The following CFAP74 variants were observed in gnomAD, a reference collection of about 807,000 sequenced individuals.
CFAP74 encodes cilia and flagella associated protein 74.
In CFAP74, 124 loss-of-function variants were observed where a neutral mutation model predicts 188.9. The observed-to-expected ratio is 0.66, with a 90% confidence interval of 0.57 to 0.76. The LOEUF is 0.76. Ranked by LOEUF, CFAP74 falls within the 30% of genes least tolerant of loss-of-function variation. The pLI is 0.00. For missense variants in CFAP74, 2,198 were observed against 2,165.2 expected, an observed-to-expected ratio of 1.02 and a Z score of -0.30; for synonymous variants, 956 against 916.7, an observed-to-expected ratio of 1.04 and a Z score of -0.77.
Position 1,942,072 on chromosome 1 carries a change from G to C in CFAP74, c.2571C>G (p.Ile857Met). 1.3e-6 allele frequency: 2 copies of C among 1,532,746 alleles called. No homozygotes were observed. Among genetic ancestry groups the C allele is most frequent in the Non-Finnish European group, 8.7e-7 (1 of 1,145,576 alleles). 94.9% of individuals were successfully genotyped at this position (1,532,746 alleles called of 1,614,324 possible). Residue 857 changes from isoleucine (I) to methionine (M), a missense_variant, in exon 22 of 39, where the codon ATC becomes ATG. Ile to Met is a conservative substitution (Grantham distance 10). Transcript: ENST00000682832. The surrounding 1 kb of genome is among the most constrained non-coding windows in gnomAD (Gnocchi z 4.3). ...HLELLPKTGY[I>M]QAQSSYSVQL... ...GCACGGAGTAGGACGACTGTGCCTGGATATAGCCTGTCTTGGGCAGGAGCT... is the reference window on the plus strand; with the variant it reads ...GCACGGAGTAGGACGACTGTGCCTGCATATAGCCTGTCTTGGGCAGGAGCT...
chr1:1,928,744 C>T, intron 27 of CFAP74, 40 bp downstream of exon 27: 1 of 1,470,948 alleles, frequency 6.8e-7, no homozygotes. Flanking sequence ...GCAACAGGCC[C>T]TTCCCCGACC....
Position 1,923,054 on chromosome 1 carries a change from C to T in CFAP74, c.4614G>A (p.Thr1538=), listed in dbSNP as rs755229284. The T allele has an allele frequency of 5.0e-6, 8 of 1,608,328 alleles. No individual in the cohort carries two copies. Among genetic ancestry groups the T allele is most frequent in the African/African-American group, 1.3e-5 (1 of 74,580 alleles). ...TLDYIQFDTD[T]PAPPATRELQ... ...GCTCTCGGGTGGCAGGTGGGGCTGG[C>T]GTGTCTGTGTCAAACTGGATGTAGT... Residue 1538 remains threonine (T), a synonymous_variant, in exon 37 of 39, where the codon ACG becomes ACA. Transcript: ENST00000682832. The surrounding 1 kb of genome is among the most constrained non-coding windows in gnomAD (Gnocchi z 6.3).
Position 1,955,810 on chromosome 1 carries a change from T to C in CFAP74, c.2057A>G (p.Lys686Arg), listed in dbSNP as rs746111410. 24 of 1,614,014 alleles carry C rather than the reference T, an allele frequency of 1.5e-5. No homozygotes were observed. The highest frequency in any genetic ancestry group is 2.2e-5 in the South Asian group (2 of 91,094). Residue 686 changes from lysine (K) to arginine (R), a missense_variant, in exon 18 of 39, where the codon AAA (lysine) becomes AGA (arginine). Coordinates refer to ENST00000682832, the MANE Select transcript of CFAP74 (RefSeq NM_001304360.2). ...LTYEDKSLYD[K>R]AATSFSEQQL... ...CTGCTCAGAGAAGCTGGTGGCGGCTTTGTCATACAAGCTTTTATCTTCGTA... is the reference window on the plus strand; with the variant it reads ...CTGCTCAGAGAAGCTGGTGGCGGCTCTGTCATACAAGCTTTTATCTTCGTA...
In CFAP74 at chr1:1,973,938, C is replaced by T. The variant is rs927816243; in HGVS notation, c.674+87G>A. The T allele has an allele frequency of 3.5e-5, 45 of 1,302,032 alleles. No homozygotes were observed. The highest frequency in any genetic ancestry group is 4.4e-5 in the Non-Finnish European group (43 of 973,810). 80.7% of individuals were successfully genotyped at this position (1,302,032 alleles called of 1,614,324 possible). A position where few individuals can be genotyped will look rare whatever the true frequency, so the allele number is the denominator to read the frequency against. On this transcript the variant is annotated intron_variant, in intron 7 of 38. Coordinates refer to ENST00000682832, the MANE Select transcript of CFAP74 (RefSeq NM_001304360.2). This position sits in a 1 kb window ranked among gnomAD's most constrained non-coding sequence, Gnocchi z 6.2. The stretch of plus-strand genomic sequence containing the variant: ...ATCTGGACAGATGTGGAGGGCGAGG[C>T]TGAATCTGGAGACCCCTGGGGGAGA...
intron 1 of CFAP74, among the ~76,000 whole-genome samples, chr1:1,998,870 C>G (rs1461171730): frequency 6.6e-6 from 1 of 151,854 alleles, no homozygotes; most frequent in Admixed American, 6.6e-5. Flanking sequence ...GAGTGAGACT[C>G]CGTCTCGAAA....
chr1:1,955,722 C>A lies in CFAP74; in HGVS notation c.2145G>T (p.Leu715=). The A allele has an allele frequency of 6.2e-7, 1 of 1,614,132 alleles. No individual in the cohort carries two copies. Among genetic ancestry groups the A allele is most frequent in the Admixed American group, 1.7e-5 (1 of 60,016 alleles). Reference sequence around the variant, plus strand: ...GCTGCTCCTCCTCCTGCTCCTTGTCCAGCTTCTCCAGCTCCTTCCGGCTCT... The same window carrying A: ...GCTGCTCCTCCTCCTGCTCCTTGTCAAGCTTCTCCAGCTCCTTCCGGCTCT... The part of the protein sequence containing the change: ...DMQSRKELEK[L]DKEQEEEQPA... The change falls in exon 18 of 39, where the codon CTG becomes CTT. Residue 715 remains leucine, a synonymous_variant. Coordinates refer to ENST00000682832, the MANE Select transcript of CFAP74 (RefSeq NM_001304360.2).
At chr1:2,002,160 G>A (rs1658238414) in intron 1 of CFAP74, among the ~76,000 whole-genome samples, 1 of 152,078 alleles carries the variant, frequency 6.6e-6, no homozygotes, top group Non-Finnish European at 1.5e-5. Flanking sequence ...AGGGTGGGGG[G>A]CGACAGAGCA....
chr1:1,973,868 C>T lies in CFAP74; in HGVS notation c.674+157G>A, dbSNP rs576524837. On this transcript the variant is annotated intron_variant, in intron 7 of 38. Transcript: ENST00000682832. The surrounding 1 kb of genome is among the most constrained non-coding windows in gnomAD (Gnocchi z 6.2). ...GACACTTGGGAAGGACTCAAGGGCC[C>T]GGTGGAGGAGCAAGCTGGGAGGAGG... Among the ~76,000 whole-genome samples the T allele has an allele frequency of 2.0e-5, 3 of 151,432 alleles. No homozygotes were observed. The highest frequency in any genetic ancestry group is 6.6e-5 in the Admixed American group (1 of 15,214).
chr1:1,937,644 C>A (rs1652989917), intron 25 of CFAP74, among the ~76,000 whole-genome samples: 1 of 152,168 alleles, frequency 6.6e-6, no homozygotes, highest in South Asian at 2.1e-4. Context: ...CCCCCAGTGT[C>A]TTGGCCTCTG....
intron 4 of CFAP74, among the ~76,000 whole-genome samples, chr1:1,987,363 G>T (rs1376211616): frequency 1.3e-5 from 2 of 152,188 alleles, no homozygotes; most frequent in Admixed American, 1.3e-4. Context: ...GGAGGTCTGG[G>T]GCCCACGGGA....
intron 12 of CFAP74, among the ~76,000 whole-genome samples, chr1:1,965,402 A>C (rs1402509345): frequency 6.6e-6 from 1 of 152,222 alleles, no homozygotes; most frequent in Non-Finnish European, 1.5e-5. Flanking sequence ...TTAAATCAGG[A>C]CAAGAGGAAG....
intron 13 of CFAP74, among the ~76,000 whole-genome samples, chr1:1,964,164 G>A (rs1019162789): frequency 6.6e-6 from 1 of 152,242 alleles, no homozygotes; most frequent in African/African-American, 2.4e-5. Flanking sequence ...GGGTTCCAAG[G>A]TGGGTCCCTG....
chr1:1,993,974 T>G (rs1364601571), intron 1 of CFAP74, among the ~76,000 whole-genome samples: 4 of 149,422 alleles, frequency 2.7e-5, no homozygotes. Flanking sequence ...AGAGCAAGAC[T>G]CCGTCTCAAA....
At position 1,975,903 on chromosome 1, in the gene CFAP74, T is replaced by G. The variant is rs1325915466; in HGVS notation, c.501-1705A>C. Among the ~76,000 whole-genome samples the G allele has an allele frequency of 2.0e-5, 3 of 152,160 alleles. No homozygotes were observed. The highest frequency in any genetic ancestry group is 4.4e-5 in the Non-Finnish European group (3 of 68,014). ...TAAAGAGGCAAGACGCTGTCCCAGA[T>G]GCTGTCGTCGCCCATTCCTGCTGCT... On this transcript the variant is annotated intron_variant, in intron 6 of 38. Coordinates refer to ENST00000682832, the MANE Select transcript of CFAP74 (RefSeq NM_001304360.2). The surrounding 1 kb of genome is among the most constrained non-coding windows in gnomAD (Gnocchi z 4.5).
chr1:1,957,870 G>A (rs779951129), intron 16 of CFAP74, among the ~76,000 whole-genome samples: 3 of 152,248 alleles, frequency 2.0e-5, no homozygotes, highest in South Asian at 4.1e-4. Flanking sequence ...CGGCCCAACC[G>A]TGACCGCTCT....
At chr1:1,933,786 A>T (rs1652603772) in intron 25 of CFAP74, among the ~76,000 whole-genome samples, 1 of 152,006 alleles carries the variant, frequency 6.6e-6, no homozygotes, top group Non-Finnish European at 1.5e-5. Flanking sequence ...GTTGACTTCC[A>T]CTTTTACCTT....
chr1:1,937,270 C>T (rs1444022766), intron 25 of CFAP74, among the ~76,000 whole-genome samples: 1 of 152,244 alleles, frequency 6.6e-6, no homozygotes. Flanking sequence ...AGTGGTCTGG[C>T]TGTCTGACTA....
intron 10 of CFAP74, among the ~76,000 whole-genome samples, chr1:1,970,046 C>G (rs1308530187): frequency 6.6e-6 from 1 of 152,192 alleles, no homozygotes; most frequent in African/African-American, 2.4e-5. Flanking sequence ...AACCTGGCCC[C>G]GAGGTCTGGA....
At chr1:1,944,474 C>G in intron 20 of CFAP74, 22 bp from the exon 21 acceptor site, 2 of 1,533,980 alleles carry the variant, frequency 1.3e-6, no homozygotes, top group Non-Finnish European at 1.7e-6. Context: ...CACAGGAGCT[C>G]AGCAACAGGA....
Sources: allele counts gnomAD v4.1 joint callset (sites outside exome capture counted in the v4.1 genomes callset), GRCh38; gene constraint gnomAD v4.1.1; non-coding constraint Gnocchi (gnomAD v3.1); transcripts MANE v1.5; gene names NCBI Gene and HGNC (gene_info 2026-07-23, HGNC 2026-07-21).